PLAC1: variants seen among roughly 807,000 people sequenced by gnomAD.
PLAC1 encodes placenta-specific protein 1.
For missense variants in PLAC1, 136 were observed against 163.2 expected (o/e 0.83, Z 0.91); for synonymous variants, 68 against 62.1 (o/e 1.09, Z -0.44).
chrX:134,647,173 C>T (rs1291674069), intron 1 of PLAC1, among the ~76,000 whole-genome samples: 3 of 111,632 alleles, frequency 2.7e-5, no homozygotes. Context: ...TTGTCCCCCA[C>T]AGCTCCTGGG....
chrX:134,754,249 T>C (rs764631600), intron 1 of PLAC1, among the ~76,000 whole-genome samples: 1 of 112,056 alleles, frequency 8.9e-6, no homozygotes, highest in Non-Finnish European at 1.9e-5. Context: ...TTCAACAAAA[T>C]CCAGCAGAAT....
intron 2 of PLAC1, among the ~76,000 whole-genome samples, chrX:134,706,219 C>G (rs2078604174): frequency 8.9e-6 from 1 of 112,978 alleles, no homozygotes; most frequent in Non-Finnish European, 1.9e-5. Flanking sequence ...CCTATTCATG[C>G]CAGCAAAGGC....
chrX:134,705,340 C>T (rs1459441025), intron 2 of PLAC1, among the ~76,000 whole-genome samples: 1 of 100,973 alleles, frequency 9.9e-6, no homozygotes, highest in African/African-American at 3.7e-5. Flanking sequence ...ATTGCTTGAA[C>T]ACAGGAGGCG....
chrX:134,759,156 CT>C (rs937431701), intron 1 of PLAC1, among the ~76,000 whole-genome samples: 55 of 103,127 alleles, frequency 5.3e-4, no homozygotes, highest in Middle Eastern at 5.0e-3. Context: ...AAAAGGAACT[CT>C]TTTTTTTTTT....
At chrX:134,597,877 G>A (rs913312774) in intron 2 of PLAC1, among the ~76,000 whole-genome samples, 12 of 111,705 alleles carry the variant, frequency 1.1e-4, no homozygotes, top group Non-Finnish European at 9.4e-5. Flanking sequence ...GTTCCCACTG[G>A]TGTTTCTGAA....
intron 2 of PLAC1, among the ~76,000 whole-genome samples, chrX:134,710,776 G>C (rs373646971): frequency 1.8e-5 from 2 of 110,927 alleles, no homozygotes; most frequent in African/African-American, 6.5e-5. Flanking sequence ...GGAGGCAGGA[G>C]ATAAAGGGGG....
intron 1 of PLAC1, among the ~76,000 whole-genome samples, chrX:134,735,617 G>A (rs778344383): frequency 9.1e-6 from 1 of 109,500 alleles, no homozygotes; most frequent in Non-Finnish European, 1.9e-5. Flanking sequence ...TATAGGTCAT[G>A]GCTAGCAGGG....
At chrX:134,622,093 G>A (rs1461536156) in intron 1 of PLAC1, among the ~76,000 whole-genome samples, 1 of 112,253 alleles carries the variant, frequency 8.9e-6, no homozygotes, top group African/African-American at 3.2e-5. Context: ...TCCAGTCAGG[G>A]AAGGCATCTG....
chrX:134,740,609 G>A (rs1169000158), intron 1 of PLAC1, among the ~76,000 whole-genome samples: 1 of 112,068 alleles, frequency 8.9e-6, no homozygotes, highest in East Asian at 2.8e-4. Context: ...TAGAAGTTGT[G>A]AATGTGGCCT....
rs771313216 is a variant in PLAC1, at chrX:134,734,663, G to T, written n.90-1144C>A. On this transcript the variant is annotated intron_variant and non_coding_transcript_variant, in intron 1 of 2. Transcript: ENST00000466797. The stretch of plus-strand genomic sequence containing the variant: ...TCCCTCAGCACATTTTTAAGGAATG[G>T]CGTTCCCTCCCCTCTCTCTTTTTTT... Among the ~76,000 whole-genome samples the T allele has an allele frequency of 2.7e-5, 3 of 111,751 alleles. No homozygotes were observed. In the South Asian group the frequency reaches 1.1e-3, roughly 42 times the overall value.
intron 2 of PLAC1, among the ~76,000 whole-genome samples, chrX:134,577,675 G>C: frequency 9.1e-6 from 1 of 109,853 alleles, no homozygotes; most frequent in Non-Finnish European, 1.9e-5. Flanking sequence ...GCAACAGAGA[G>C]AGAGACTCCA....
At chrX:134,698,475 G>C (rs2078572320) in intron 2 of PLAC1, among the ~76,000 whole-genome samples, 1 of 111,713 alleles carries the variant, frequency 9.0e-6, no homozygotes, top group African/African-American at 3.3e-5. Flanking sequence ...AAAATACTGT[G>C]ATGAATACAC....
At chrX:134,696,145 C>G (rs966775600) in intron 2 of PLAC1, among the ~76,000 whole-genome samples, 3 of 112,096 alleles carry the variant, frequency 2.7e-5, no homozygotes, top group Admixed American at 9.5e-5. Context: ...TCTGGCAACT[C>G]TATCTACCAC....
intron 1 of PLAC1, among the ~76,000 whole-genome samples, chrX:134,643,762 C>T (rs1315023840): frequency 9.1e-6 from 1 of 110,206 alleles, no homozygotes; most frequent in African/African-American, 3.3e-5. Context: ...AAGTACTTTC[C>T]AGAAAGGTAC....
chrX:134,744,272 A>C (rs2078723939), intron 1 of PLAC1, among the ~76,000 whole-genome samples: 1 of 95,409 alleles, frequency 1.0e-5, no homozygotes. Context: ...ACATAGAGAG[A>C]CTCCATCTCA....
intron 1 of PLAC1, among the ~76,000 whole-genome samples, chrX:134,749,572 C>CT (rs1188583570): frequency 8.9e-6 from 1 of 112,033 alleles, no homozygotes; most frequent in Non-Finnish European, 1.9e-5. Flanking sequence ...AAAATTTGAG[C>CT]TTGTTGAGAT....
chrX:134,570,183 G>A (rs1177229898), intron 2 of PLAC1, among the ~76,000 whole-genome samples: 1 of 111,590 alleles, frequency 9.0e-6, no homozygotes, highest in African/African-American at 3.3e-5. Context: ...GAATTCATCA[G>A]CTGACTTTTC....
At chrX:134,614,532 C>T (rs1196321817) in intron 1 of PLAC1, among the ~76,000 whole-genome samples, 1 of 111,238 alleles carries the variant, frequency 9.0e-6, no homozygotes, top group African/African-American at 3.3e-5. Context: ...CCAGGTTCAG[C>T]CATGTTGTCA....
At chrX:134,603,317 T>TATATA (rs1569384392) in intron 1 of PLAC1, among the ~76,000 whole-genome samples, 19 of 12,806 alleles carry the variant, frequency 1.5e-3, no homozygotes, top group African/African-American at 7.0e-3. Flanking sequence ...ATATATATTT[T>TATATA]TTTTTTTTTT....
Sources: gnomAD v4.1 joint callset for allele counts (sites outside exome capture counted in the v4.1 genomes callset) on GRCh38, gnomAD v4.1.1 for gene constraint, MANE v1.5 for transcripts, NCBI Gene and HGNC (gene_info 2026-07-23, HGNC 2026-07-21) for gene names.